STAB2: variants seen among roughly 807,000 people sequenced by gnomAD.
The protein encoded by STAB2 is stabilin 2.
In STAB2, 288 loss-of-function variants were observed where a neutral mutation model predicts 338.1. The observed-to-expected ratio is 0.85, with a 90% CI of 0.77 to 0.94. STAB2 has a LOEUF of 0.94. Among genes scored for constraint, STAB2 ranks in the 40% least tolerant of loss-of-function variants. STAB2 has a pLI of 0.00. For missense variants in STAB2, 3,141 were observed against 3,210.1 expected, an observed-to-expected ratio of 0.98 and a Z score of 0.52; for synonymous variants, 1,202 against 1,193.3, an observed-to-expected ratio of 1.01 and a Z score of -0.15.
In STAB2 at chr12:103,708,516, G is replaced by A. The variant is rs556133924; in HGVS notation, c.4268G>A (p.Arg1423Gln). The change falls in exon 39 of 69, where the codon CGA becomes CAA. Residue 1423 changes from arginine to glutamine, a missense_variant. Arg to Gln is a conservative substitution (Grantham distance 43). Transcript: ENST00000388887. Reference sequence around the variant, plus strand: ...TCCTGTGACTGTGATGTTGGCTGGCGAGGAGTGCATTGTGACAATGGTAAG... The same window carrying A: ...TCCTGTGACTGTGATGTTGGCTGGCAAGGAGTGCATTGTGACAATGGTAAG... Reference protein sequence around the residue: ...DGSCDCDVGWRGVHCDNATTE... With the variant: ...DGSCDCDVGWQGVHCDNATTE... 32 of 1,614,018 alleles carry A rather than the reference G, an allele frequency of 2.0e-5. No individual in the cohort carries two copies. Among genetic ancestry groups the A allele is most frequent in the Middle Eastern group, 1.6e-4 (1 of 6,062 alleles).
chr12:103,608,758 T>A (rs981818783), intron 3 of STAB2, among the ~76,000 whole-genome samples: 58 of 152,164 alleles, frequency 3.8e-4, no homozygotes, highest in Non-Finnish European at 6.6e-4. Context: ...TGAAGTACTT[T>A]CCCATGCCTA....
intron 31 of STAB2, among the ~76,000 whole-genome samples, 171 bp downstream of exon 31, chr12:103,693,060 A>G (rs1374238885): frequency 6.6e-6 from 1 of 152,152 alleles, no homozygotes; most frequent in Non-Finnish European, 1.5e-5. Context: ...CTATTGATTC[A>G]ATGAGACTCA....
At chr12:103,701,531 A>C (rs1342807503) in intron 34 of STAB2, among the ~76,000 whole-genome samples, 2 of 152,222 alleles carry the variant, frequency 1.3e-5, no homozygotes, top group East Asian at 3.8e-4. Flanking sequence ...TCAAGTCAAA[A>C]TTTCAATGTG....
Position 103,691,900 on chromosome 12 carries a change from TGGTGGCTG to T in STAB2, c.3298-911_3298-904del, listed in dbSNP as rs895387923. 1.1e-4 allele frequency among the ~76,000 whole-genome samples: 4 copies of T among 37,210 alleles called. No individual in the cohort carries two copies. The Admixed American group carries it at 1.2e-3, about 11-fold the overall frequency. 24.4% of individuals were successfully genotyped at this position (37,210 alleles called of 152,430 possible). Reference sequence around the variant, plus strand: ...AGAGTAGAGTCCAGTTGGTGTTGATTGGTGGCTGAGTGGGTGGGTGGGTGGGTTGGATT... The same window carrying T: ...AGAGTAGAGTCCAGTTGGTGTTGATTAGTGGGTGGGTGGGTGGGTTGGATT... On this transcript the variant is annotated intron_variant, in intron 30 of 68. Coordinates refer to ENST00000388887, the MANE Select transcript of STAB2 (RefSeq NM_017564.10).
Position 103,730,256 on chromosome 12 carries a change from G to A in STAB2, c.5223G>A (p.Leu1741=), listed in dbSNP as rs1881530258. Residue 1741 remains leucine (L), a splice_region_variant and synonymous_variant, in exon 49 of 69, where the codon CTG becomes CTA. Coordinates refer to ENST00000388887, the MANE Select transcript of STAB2 (RefSeq NM_017564.10). The part of the protein sequence containing the change: ...ITPKDNSGRI[L]QNLTTLATNN... ...CCAAAGACAACTCTGGAAGAATTCT[G>A]GTAGGTAAACTCTCTGTTATGTTTT... 1 of 1,613,310 alleles carries A rather than the reference G, an allele frequency of 6.2e-7. No homozygotes were observed.
In STAB2 at chr12:103,637,295, G is replaced by GA. The variant is rs569973479; in HGVS notation, c.709+68dup. ...TTGAGATGTTTAGGTTATTTAACAG[G>GA]AAAAAAAAATCTCACAACCTCCTTA... On this transcript the variant is annotated intron_variant, in intron 7 of 68. Coordinates refer to ENST00000388887, the MANE Select transcript of STAB2 (RefSeq NM_017564.10). The GA allele has an allele frequency of 9.5e-4, 1,474 of 1,545,538 alleles. 6 individuals carry two copies. In the Middle Eastern group the frequency reaches 0.014, roughly 15 times the overall value.
At chr12:103,740,489 G>C in intron 54 of STAB2, 141 bp from the exon 55 acceptor site, 1 of 1,118,640 alleles carries the variant, frequency 8.9e-7, no homozygotes, top group Non-Finnish European at 1.2e-6. Flanking sequence ...TATCACCTTG[G>C]AAAAAAAAAG....
intron 56 of STAB2, among the ~76,000 whole-genome samples, chr12:103,743,602 G>A (rs1882765866): frequency 6.6e-6 from 1 of 152,160 alleles, no homozygotes; most frequent in Non-Finnish European, 1.5e-5. Context: ...AAGACTCCAT[G>A]ACTCCACTGG....
intron 51 of STAB2, among the ~76,000 whole-genome samples, chr12:103,734,291 A>G (rs1881918079): frequency 1.3e-5 from 2 of 150,874 alleles, no homozygotes; most frequent in South Asian, 2.1e-4. Flanking sequence ...AGGAGCAAGC[A>G]CGATCATATA....
At chr12:103,591,085 G>A (rs1956791169) in intron 2 of STAB2, 55 bp downstream of exon 2, 3 of 1,604,526 alleles carry the variant, frequency 1.9e-6, no homozygotes, top group Non-Finnish European at 2.5e-6. Flanking sequence ...GAAGCTCCCT[G>A]TCTCAAAAAC....
At chr12:103,722,122 T>C (rs971944480) in intron 44 of STAB2, among the ~76,000 whole-genome samples, 1 of 152,106 alleles carries the variant, frequency 6.6e-6, no homozygotes, top group Non-Finnish European at 1.5e-5. Flanking sequence ...ACAGATGGTA[T>C]TTAAACACAG....
Position 103,609,562 on chromosome 12 carries a change from G to A in STAB2, c.332-10906G>A, listed in dbSNP as rs556140463. ...TGTATCCTGAGACTTTGCTGAAGTT[G>A]CTTATCAGCTTAAGGAGATTTTGGG... is the stretch of plus-strand genomic sequence containing the variant. On this transcript the variant is annotated intron_variant, in intron 3 of 68. Coordinates refer to ENST00000388887, the MANE Select transcript of STAB2 (RefSeq NM_017564.10). 3.3e-5 allele frequency among the ~76,000 whole-genome samples: 5 copies of A among 152,234 alleles called. No individual in the cohort carries two copies. In the South Asian group the frequency reaches 1.0e-3, roughly 32 times the overall value.
intron 63 of STAB2, among the ~76,000 whole-genome samples, chr12:103,756,224 C>T (rs1884093217): frequency 6.6e-6 from 1 of 152,156 alleles, no homozygotes; most frequent in Non-Finnish European, 1.5e-5. Context: ...AAAGTCACGT[C>T]AATATTCTAC....
rs921109725 is a variant in STAB2, at chr12:103,648,599, G to C, written c.1041-91G>C. On this transcript the variant is annotated intron_variant, in intron 9 of 68. Coordinates refer to ENST00000388887, the MANE Select transcript of STAB2 (RefSeq NM_017564.10). ...CCCTATTCAACCCTGGGCATCCTTT[G>C]CTCCATCTGTTCAATGAGGGGATTG... is the stretch of plus-strand genomic sequence containing the variant. 4.6e-6 allele frequency: 7 copies of C among 1,517,962 alleles called. No individual in the cohort carries two copies. The African/African-American group carries it at 9.7e-5, about 21-fold the overall frequency. 94.0% of individuals were successfully genotyped at this position (1,517,962 alleles called of 1,614,324 possible). A position where few individuals can be genotyped will look rare whatever the true frequency, so the allele number is the denominator to read the frequency against.
intron 27 of STAB2, among the ~76,000 whole-genome samples, chr12:103,685,456 G>A (rs569699273): frequency 0.031 from 3,316 of 108,564 alleles, 41 homozygotes; most frequent in African/African-American, 0.035. Flanking sequence ...GTGTGTGTGC[G>A]CGTGCGTGTG....
At chr12:103,710,386 A>G (rs913902797) in intron 39 of STAB2, among the ~76,000 whole-genome samples, 5 of 152,228 alleles carry the variant, frequency 3.3e-5, no homozygotes, top group African/African-American at 1.2e-4. Context: ...TATGGAGTAC[A>G]AAGCAAAGAG....
intron 5 of STAB2, among the ~76,000 whole-genome samples, chr12:103,630,905 T>C (rs1957450420): frequency 6.6e-6 from 1 of 152,228 alleles, no homozygotes; most frequent in Non-Finnish European, 1.5e-5. Flanking sequence ...AGCCACTAAG[T>C]TTGTGGAACT....
chr12:103,635,898 C>T (rs1957537726), intron 6 of STAB2, among the ~76,000 whole-genome samples: 2 of 152,204 alleles, frequency 1.3e-5, no homozygotes, highest in African/African-American at 4.8e-5. Context: ...GGCATCTCTG[C>T]AACTTTGCTA....
intron 61 of STAB2, 171 bp from the exon 62 acceptor site, chr12:103,755,131 T>C: frequency 1.2e-6 from 1 of 835,250 alleles, no homozygotes; most frequent in East Asian, 2.5e-5. Context: ...AGTGGCTCAA[T>C]CAATCAGTCA....
Sources: gnomAD v4.1 joint callset for allele counts (sites outside exome capture counted in the v4.1 genomes callset) on GRCh38, gnomAD v4.1.1 for gene constraint, MANE v1.5 for transcripts, NCBI Gene and HGNC (gene_info 2026-07-23, HGNC 2026-07-21) for gene names.